Variants in AGBL1 observed in about 807,000 individuals in gnomAD.
AGBL1 encodes AGBL carboxypeptidase 1.
AGBL1 carries 130 observed loss-of-function variants against 118.9 expected under a neutral mutation model. The observed-to-expected ratio is 1.09, with a 90% CI of 0.95 to 1.26. The LOEUF (loss-of-function observed/expected upper bound fraction) is 1.26, where lower values mean the gene tolerates loss of function less well. AGBL1 is among the 50% of genes most tolerant of loss of function. The pLI, the probability that AGBL1 is intolerant of heterozygous loss-of-function variation, is 0.00. For missense variants in AGBL1, 1,584 were observed against 1,298.1 expected (o/e 1.22, Z -3.38); for synonymous variants, 555 against 478.9 (o/e 1.16, Z -2.08).
chr15:86,577,121 G>T (rs1356000304), intron 21 of AGBL1, among the ~76,000 whole-genome samples: 1 of 152,162 alleles, frequency 6.6e-6, no homozygotes. Flanking sequence ...GGGAAACTAT[G>T]GAACTTCCTA....
At chr15:87,025,757 A>C (rs150831572) in intron 24 of AGBL1, among the ~76,000 whole-genome samples, 18 of 152,236 alleles carry the variant, frequency 1.2e-4, no homozygotes, top group African/African-American at 4.1e-4. Flanking sequence ...ATTTCAAACT[A>C]TACTATAAGG....
In AGBL1 at chr15:86,469,966, G is replaced by A. The variant is rs79440194; in HGVS notation, c.2556-52844G>A. ...TTGGTTTGAATTCCTTATATATTTT[G>A]GATGTTAGCCCCTTACAGATGTATG... is the stretch of plus-strand genomic sequence containing the variant. On this transcript the variant is annotated intron_variant, in intron 18 of 22. Coordinates refer to ENST00000614907, the MANE Select transcript of AGBL1 (RefSeq NM_001386094.1). 1.5e-3 allele frequency among the ~76,000 whole-genome samples: 221 copies of A among 152,212 alleles called. 5 individuals carry two copies. In the East Asian group the frequency reaches 0.033, roughly 23 times the overall value.
At chr15:86,667,672 T>G (rs1269546265) in intron 21 of AGBL1, among the ~76,000 whole-genome samples, 1 of 152,192 alleles carries the variant, frequency 6.6e-6, no homozygotes, top group Non-Finnish European at 1.5e-5. Context: ...GAGTACTTTC[T>G]TCCTTCTCCT....
chr15:86,457,605 T>G (rs1464728222), intron 18 of AGBL1, among the ~76,000 whole-genome samples: 13 of 152,184 alleles, frequency 8.5e-5, no homozygotes, highest in Admixed American at 7.9e-4. Context: ...GCTTCATATC[T>G]TGTAGAAAGA....
chr15:86,397,126 T>C (rs182995391), intron 17 of AGBL1, among the ~76,000 whole-genome samples: 23 of 152,254 alleles, frequency 1.5e-4, no homozygotes, highest in Admixed American at 1.4e-3. Flanking sequence ...GAAAATCAGT[T>C]TGTATCTTCA....
intron 23 of AGBL1, chr15:86,932,795 A>G (rs2080621006): frequency 2.6e-5 from 4 of 152,322 alleles, no homozygotes; most frequent in Middle Eastern, 3.4e-3. Flanking sequence ...GTTTTGTCCC[A>G]TTAAGTCTAG....
intron 16 of AGBL1, 91 bp downstream of exon 16, chr15:86,279,874 T>C: frequency 1.3e-6 from 2 of 1,495,632 alleles, no homozygotes; most frequent in East Asian, 4.5e-5. Flanking sequence ...GACATCCTGA[T>C]GGGGTGCAGA....
chr15:86,516,821 T>C (rs1380047687), intron 18 of AGBL1, among the ~76,000 whole-genome samples: 4 of 149,970 alleles, frequency 2.7e-5, no homozygotes, highest in Non-Finnish European at 4.4e-5. Flanking sequence ...AAAAGTGATT[T>C]AACTGATCAC....
At chr15:86,768,487 A>C (rs2078127635) in intron 22 of AGBL1, among the ~76,000 whole-genome samples, 1 of 151,760 alleles carries the variant, frequency 6.6e-6, no homozygotes, top group African/African-American at 2.4e-5. Flanking sequence ...TAAATTCTTC[A>C]AACATTTTGC....
intron 18 of AGBL1, among the ~76,000 whole-genome samples, chr15:86,425,082 C>T (rs1384916714): frequency 1.3e-5 from 2 of 152,158 alleles, no homozygotes; most frequent in Admixed American, 6.5e-5. Flanking sequence ...TATAAAGACA[C>T]GTGCACACAT....
intron 6 of AGBL1, among the ~76,000 whole-genome samples, chr15:86,243,716 A>G (rs2078673267): frequency 6.6e-6 from 1 of 152,094 alleles, no homozygotes; most frequent in Non-Finnish European, 1.5e-5. Context: ...AGTTTAAAAG[A>G]TACTAATGTA....
chr15:86,867,612 G>C (rs2079650529), intron 22 of AGBL1, among the ~76,000 whole-genome samples: 1 of 152,126 alleles, frequency 6.6e-6, no homozygotes, highest in South Asian at 2.1e-4. Flanking sequence ...GTGAACCTGT[G>C]AGGCGGGGAG....
intron 23 of AGBL1, among the ~76,000 whole-genome samples, chr15:86,968,857 C>A (rs556810811): frequency 6.6e-6 from 1 of 151,962 alleles, no homozygotes; most frequent in South Asian, 2.1e-4. Flanking sequence ...GATGGAGACC[C>A]CTTGTAGCTT....
At chr15:86,124,359 C>T (rs1314411116) in intron 1 of AGBL1, among the ~76,000 whole-genome samples, 1 of 150,922 alleles carries the variant, frequency 6.6e-6, no homozygotes, top group Non-Finnish European at 1.5e-5. Context: ...AAAGAAAACC[C>T]CCAAAAATCC....
chr15:86,901,910 A>C (rs1272713207), intron 22 of AGBL1, among the ~76,000 whole-genome samples: 2 of 152,100 alleles, frequency 1.3e-5, no homozygotes, highest in African/African-American at 4.8e-5. Flanking sequence ...GTTAATGTTC[A>C]AACAGCAAAA....
rs61563504 is a variant in AGBL1 at position 86,534,112 on chromosome 15, TAA to T, written c.2685+11194_2685+11195del. Among the ~76,000 whole-genome samples, 787 of 96,484 alleles carry T rather than the reference TAA, an allele frequency of 8.2e-3. 8 individuals carry two copies. The highest frequency in any genetic ancestry group is 0.026 in the African/African-American group (701 of 26,826). The allele number at this position is 96,484 out of a possible 152,430, so 63.3% of individuals were successfully genotyped here. On this transcript the variant is annotated intron_variant, in intron 19 of 22. Transcript: ENST00000614907. ...ATGTACCCTAAAACTTAAAGTATAA[TAA>T]AAAAAAAAAAAAAAAAAAAAGATTG... is the stretch of plus-strand genomic sequence containing the variant.
At chr15:86,323,180 T>C (rs1413598959) in intron 17 of AGBL1, among the ~76,000 whole-genome samples, 2 of 152,102 alleles carry the variant, frequency 1.3e-5, no homozygotes, top group Non-Finnish European at 2.9e-5. Context: ...TTTTGTATTT[T>C]ATTGAACATT....
chr15:86,420,402 T>C (rs2142022822), intron 18 of AGBL1, among the ~76,000 whole-genome samples: 1 of 151,994 alleles, frequency 6.6e-6, no homozygotes, highest in Non-Finnish European at 1.5e-5. Flanking sequence ...ACACTAACAA[T>C]CAGAAAGGAA....
intron 21 of AGBL1, among the ~76,000 whole-genome samples, chr15:86,563,532 T>C (rs1040828347): frequency 3.3e-5 from 5 of 150,598 alleles, no homozygotes; most frequent in African/African-American, 1.2e-4. Flanking sequence ...TTCTGTTCTT[T>C]TACATTTGCT....
Sources: allele counts gnomAD v4.1 joint callset (sites outside exome capture counted in the v4.1 genomes callset), GRCh38; gene constraint gnomAD v4.1.1; transcripts MANE v1.5; gene names NCBI Gene and HGNC (gene_info 2026-07-23, HGNC 2026-07-21).